SKIC3: variants seen among roughly 807,000 people sequenced by gnomAD.
SKIC3 encodes the protein superkiller complex protein 3.
chr5:95,491,034 C>A, the SKIC3 span: 1 of 1,613,850 alleles, frequency 6.2e-7, no homozygotes, highest in Non-Finnish European at 8.5e-7. Flanking sequence ...ATAGCAGGAT[C>A]ACCTGAAAAC....
the SKIC3 span, chr5:95,506,973 G>GT: frequency 1.9e-6 from 3 of 1,612,816 alleles, no homozygotes; most frequent in Non-Finnish European, 2.5e-6. Context: ...AACATTGTAA[G>GT]TATCTTGGTC....
the SKIC3 span, among the ~76,000 whole-genome samples, chr5:95,546,797 C>T: frequency 4.6e-5 from 7 of 152,242 alleles, no homozygotes; most frequent in South Asian, 2.1e-4. Flanking sequence ...TAGCATTCCA[C>T]GATACAACCA....
At chr5:95,472,131 T>G in the SKIC3 span, among the ~76,000 whole-genome samples, 9 of 152,156 alleles carry the variant, frequency 5.9e-5, no homozygotes, top group African/African-American at 9.7e-5. Flanking sequence ...CCATCATCCC[T>G]CTAGGTGGCC....
chr5:95,548,982 T>C, the SKIC3 span, among the ~76,000 whole-genome samples: 1 of 152,034 alleles, frequency 6.6e-6, no homozygotes, highest in Non-Finnish European at 1.5e-5. Flanking sequence ...CCCCAAGCTA[T>C]TTGCTGTGCA....
chr5:95,536,344 T>G, the SKIC3 span, among the ~76,000 whole-genome samples: 1 of 152,204 alleles, frequency 6.6e-6, no homozygotes, highest in African/African-American at 2.4e-5. Context: ...GCAGCTAAAC[T>G]TTCCAAAAAT....
At chr5:95,525,854 C>A in the SKIC3 span, among the ~76,000 whole-genome samples, 1 of 152,062 alleles carries the variant, frequency 6.6e-6, no homozygotes, top group African/African-American at 2.4e-5. Flanking sequence ...TAAGGAAAAT[C>A]TCATATACAT....
the SKIC3 span, chr5:95,554,781 C>A: frequency 1.1e-4 from 18 of 158,916 alleles, 1 homozygote; most frequent in African/African-American, 3.4e-4. Context: ...CGCGCCGCCA[C>A]CTCATCGCCG....
chr5:95,513,269 A>G, the SKIC3 span: 1 of 347,994 alleles, frequency 2.9e-6, no homozygotes, highest in Non-Finnish European at 5.4e-6. Context: ...GTGCAATGGC[A>G]TGATCATAGC....
chr5:95,478,424 G>A, the SKIC3 span: 2 of 1,613,902 alleles, frequency 1.2e-6, no homozygotes, highest in Non-Finnish European at 1.7e-6. Flanking sequence ...CCTTGGGATT[G>A]ATACACATGT....
chr5:95,485,408 T>A, the SKIC3 span, among the ~76,000 whole-genome samples: 2 of 152,254 alleles, frequency 1.3e-5, no homozygotes, highest in South Asian at 4.1e-4. Context: ...CTCTTTGGCA[T>A]CTTTCACAGG....
the SKIC3 span, among the ~76,000 whole-genome samples, chr5:95,499,469 A>C: frequency 1.8e-4 from 27 of 152,302 alleles, no homozygotes; most frequent in African/African-American, 6.5e-4. Flanking sequence ...CAGAACCTTG[A>C]GCCAATTTAA....
At chr5:95,540,905 A>T in the SKIC3 span, 1 of 1,418,310 alleles carries the variant, frequency 7.1e-7, no homozygotes, top group Non-Finnish European at 9.9e-7. Flanking sequence ...ATCTGCAAAT[A>T]AAAACATTTT....
At chr5:95,478,359 T>C in the SKIC3 span, 2 of 1,613,996 alleles carry the variant, frequency 1.2e-6, no homozygotes, top group African/African-American at 2.7e-5. Flanking sequence ...AACTGCCCCG[T>C]TGGGATGCCA....
the SKIC3 span, chr5:95,516,800 T>C: frequency 6.3e-7 from 1 of 1,591,106 alleles, no homozygotes; most frequent in Non-Finnish European, 8.6e-7. Flanking sequence ...AATAGCAGCA[T>C]GTATATCAAG....
the SKIC3 span, chr5:95,484,909 A>C: frequency 6.4e-7 from 1 of 1,566,248 alleles, no homozygotes; most frequent in Non-Finnish European, 8.8e-7. Flanking sequence ...TAGAGGAGTA[A>C]CTGGTTGCTA....
At chr5:95,490,761 G>A in the SKIC3 span, 1 of 990,332 alleles carries the variant, frequency 1.0e-6, no homozygotes, top group Non-Finnish European at 1.5e-6. Context: ...GCCTCCCAAA[G>A]TGCTGGGATT....
At chr5:95,527,044 C>T in the SKIC3 span, among the ~76,000 whole-genome samples, 8 of 152,288 alleles carry the variant, frequency 5.3e-5, no homozygotes, top group African/African-American at 1.4e-4. Context: ...ATCATGAACA[C>T]ATGGATTTAA....
At chr5:95,545,250 C>G in the SKIC3 span, among the ~76,000 whole-genome samples, 18 of 152,072 alleles carry the variant, frequency 1.2e-4, no homozygotes, top group Admixed American at 2.6e-4. Flanking sequence ...CAACCTGTCC[C>G]CACTTGGAAC....
chr5:95,481,871 T>C, the SKIC3 span, among the ~76,000 whole-genome samples: 12 of 152,208 alleles, frequency 7.9e-5, no homozygotes, highest in African/African-American at 2.9e-4. Context: ...TATAAATCTA[T>C]ATCAAAAAGC....
Sources: allele counts gnomAD v4.1 joint callset (sites outside exome capture counted in the v4.1 genomes callset), GRCh38; gene constraint gnomAD v4.1.1; transcripts MANE v1.5; gene names NCBI Gene and HGNC (gene_info 2026-07-23, HGNC 2026-07-21).